Variants in MAF observed in about 807,000 individuals in gnomAD.
MAF encodes the protein transcription factor Maf.
In MAF, 10 loss-of-function variants were observed where a neutral mutation model predicts 22.0. The ratio of observed to expected loss-of-function variants is 0.45; its 90% CI spans 0.28 to 0.77. The LOEUF is 0.77. Ranked by LOEUF, MAF falls within the 30% of genes least tolerant of loss-of-function variation. The pLI is 0.12. For missense variants in MAF, 544 were observed against 548.4 expected (o/e 0.99, Z 0.08); for synonymous variants, 337 against 255.8 (o/e 1.32, Z -3.03).
the MAF span, among the ~76,000 whole-genome samples, chr16:79,407,351 G>A: frequency 6.6e-6 from 1 of 152,212 alleles, no homozygotes; most frequent in South Asian, 2.1e-4. Context: ...CTACCAAAAT[G>A]TGACCATAAA....
the MAF span, among the ~76,000 whole-genome samples, chr16:79,561,156 A>G: frequency 6.6e-6 from 1 of 152,080 alleles, no homozygotes; most frequent in African/African-American, 2.4e-5. Context: ...ATGGGCACAC[A>G]TTTCTCTTCC....
downstream of MAF, among the ~76,000 whole-genome samples, chr16:79,593,132 GCAAT>G (rs1913281144): frequency 1.3e-5 from 2 of 152,150 alleles, no homozygotes; most frequent in South Asian, 4.2e-4. Context: ...GACTTATGTG[GCAAT>G]CAGACTTTTA....
the MAF span, among the ~76,000 whole-genome samples, chr16:79,366,235 T>C: frequency 4.6e-5 from 7 of 152,234 alleles, no homozygotes. Context: ...TATTCAGCTC[T>C]ACAAGATTCA....
At chr16:79,581,028 G>A (rs565404726), downstream of MAF, among the ~76,000 whole-genome samples, 11 of 152,262 alleles carry the variant, frequency 7.2e-5, no homozygotes, top group Non-Finnish European at 1.2e-4. Context: ...ACTGCTGAGA[G>A]AAGAGAGATG....
chr16:79,301,139 C>A, the MAF span, among the ~76,000 whole-genome samples: 1 of 152,122 alleles, frequency 6.6e-6, no homozygotes, highest in Non-Finnish European at 1.5e-5. Flanking sequence ...TCTTGCTACA[C>A]GAGAAACAAG....
At chr16:79,345,694 C>G in the MAF span, among the ~76,000 whole-genome samples, 1 of 131,402 alleles carries the variant, frequency 7.6e-6, no homozygotes. Flanking sequence ...CGCCACTGCA[C>G]TCCAGCCTGG....
chr16:79,541,111 C>T, the MAF span, among the ~76,000 whole-genome samples: 1 of 152,000 alleles, frequency 6.6e-6, no homozygotes, highest in African/African-American at 2.4e-5. Context: ...GCTGCTGCTA[C>T]TGATATTACC....
the MAF span, among the ~76,000 whole-genome samples, chr16:79,237,399 A>T: frequency 1.3e-5 from 2 of 152,102 alleles, no homozygotes; most frequent in Non-Finnish European, 2.9e-5. Flanking sequence ...TTAAATGAAC[A>T]TATAATTCCA....
At chr16:79,368,037 A>C in the MAF span, among the ~76,000 whole-genome samples, 1 of 152,196 alleles carries the variant, frequency 6.6e-6, no homozygotes, top group East Asian at 1.9e-4. Flanking sequence ...ATCCTGGCTG[A>C]ACAGCTCCCT....
chr16:79,551,084 T>C, the MAF span, among the ~76,000 whole-genome samples: 1 of 152,252 alleles, frequency 6.6e-6, no homozygotes, highest in Admixed American at 6.5e-5. Context: ...CACAAAATGT[T>C]GACAAGGACC....
At chr16:79,470,644 T>G in the MAF span, among the ~76,000 whole-genome samples, 34 of 152,358 alleles carry the variant, frequency 2.2e-4, no homozygotes, top group Non-Finnish European at 4.1e-4. Context: ...ATTCTTCCCA[T>G]TTATCAGCTG....
the MAF span, among the ~76,000 whole-genome samples, chr16:79,269,386 C>T: frequency 1.3e-5 from 2 of 152,150 alleles, no homozygotes; most frequent in Non-Finnish European, 2.9e-5. Flanking sequence ...GTCACCATGG[C>T]CGTGAAGCCC....
At chr16:79,536,996 T>G in the MAF span, among the ~76,000 whole-genome samples, 1 of 152,166 alleles carries the variant, frequency 6.6e-6, no homozygotes, top group South Asian at 2.1e-4. Flanking sequence ...ATGTATACCA[T>G]AGGCTTAGAC....
chr16:79,442,940 T>C, the MAF span, among the ~76,000 whole-genome samples: 62 of 152,228 alleles, frequency 4.1e-4, no homozygotes, highest in African/African-American at 1.0e-3. Flanking sequence ...TCAGGAGGCA[T>C]TGGTACACCA....
chr16:79,497,290 G>A, the MAF span, among the ~76,000 whole-genome samples: 1 of 152,178 alleles, frequency 6.6e-6, no homozygotes, highest in Non-Finnish European at 1.5e-5. Context: ...CACTGCTATA[G>A]ACAGGTACTA....
chr16:79,368,079 G>A, the MAF span, among the ~76,000 whole-genome samples: 2,251 of 152,268 alleles, frequency 0.015, 47 homozygotes, highest in African/African-American at 0.051. Context: ...AGGCTTCCCC[G>A]TCTGCATGCT....
chr16:79,263,904 C>A, the MAF span, among the ~76,000 whole-genome samples: 3 of 152,272 alleles, frequency 2.0e-5, no homozygotes, highest in Admixed American at 2.0e-4. Flanking sequence ...TCCCACATCC[C>A]TTAATCCCTC....
At chr16:79,343,071 G>C in the MAF span, among the ~76,000 whole-genome samples, 37 of 152,278 alleles carry the variant, frequency 2.4e-4, no homozygotes, top group South Asian at 5.0e-3. Context: ...GACTGTGTTG[G>C]AGGCAAGAGA....
chr16:79,423,780 T>C, the MAF span, among the ~76,000 whole-genome samples: 3 of 152,094 alleles, frequency 2.0e-5, no homozygotes, highest in African/African-American at 7.2e-5. Context: ...CTGTATTGAG[T>C]TTGAATTTCC....
Sources: allele counts gnomAD v4.1 joint callset (sites outside exome capture counted in the v4.1 genomes callset), GRCh38; gene constraint gnomAD v4.1.1; transcripts MANE v1.5; gene names NCBI Gene and HGNC (gene_info 2026-07-23, HGNC 2026-07-21).